PTPN4: variants seen among roughly 807,000 people sequenced by gnomAD.
PTPN4 encodes the protein protein tyrosine phosphatase non-receptor type 4.
In PTPN4, 49 loss-of-function variants were observed where a neutral mutation model predicts 135.5. The observed-to-expected ratio is 0.36, with a 90% confidence interval of 0.29 to 0.46. The LOEUF (loss-of-function observed/expected upper bound fraction) is 0.46. Among genes scored for constraint, PTPN4 ranks in the 20% least tolerant of loss-of-function variants. PTPN4 has a pLI of 1.00. For synonymous variants in PTPN4, 333 were observed against 369.9 expected (o/e 0.90, Z 1.14); for missense variants, 860 against 1,101.0 (o/e 0.78, Z 3.10).
In PTPN4 at chr2:119,827,429, TTG is replaced by T. The variant is rs201904398; in HGVS notation, c.138+17440_138+17441del. 1.1e-4 allele frequency among the ~76,000 whole-genome samples: 16 copies of T among 152,364 alleles called. No individual in the cohort carries two copies. The East Asian group carries it at 3.1e-3, about 29-fold the overall frequency. On this transcript the variant is annotated intron_variant, in intron 2 of 26. Coordinates refer to ENST00000263708, the MANE Select transcript of PTPN4 (RefSeq NM_002830.4). ...TACATGAGAGTCTCCACTGAGCTGT[TTG>T]TTTACTTGCTAATTTTCCTTGGTCA...
At chr2:119,848,320 C>T (rs1677538068) in intron 2 of PTPN4, among the ~76,000 whole-genome samples, 1 of 151,772 alleles carries the variant, frequency 6.6e-6, no homozygotes, top group African/African-American at 2.4e-5. Context: ...ACTACAGGCG[C>T]CCACCACCAT....
intron 2 of PTPN4, among the ~76,000 whole-genome samples, chr2:119,848,878 C>A (rs575948438): frequency 5.3e-5 from 8 of 152,142 alleles, no homozygotes. Context: ...GGATTACAGG[C>A]GTGAGCCACC....
chr2:119,934,963 G>A lies in PTPN4; in HGVS notation c.1355+5G>A, dbSNP rs1678960493. ...CATTGTTCTGGAATCATCACCGTAA[G>A]AGCTTTTTTATTTTGCTTCCTCTGT... On this transcript the variant is annotated splice_donor_5th_base_variant and intron_variant, in intron 15 of 26. Transcript: ENST00000263708. The A allele has an allele frequency of 6.2e-7, 1 of 1,600,660 alleles. No homozygotes were observed. The highest frequency in any genetic ancestry group is 1.1e-5 in the South Asian group (1 of 88,650).
At chr2:119,778,773 C>G (rs1344108066) in intron 1 of PTPN4, among the ~76,000 whole-genome samples, 2 of 152,022 alleles carry the variant, frequency 1.3e-5, no homozygotes, top group African/African-American at 4.8e-5. Context: ...ATTCTTTATT[C>G]TTATCAGGTC....
At chr2:119,822,459 A>G (rs1413888429) in intron 2 of PTPN4, among the ~76,000 whole-genome samples, 1 of 150,094 alleles carries the variant, frequency 6.7e-6, no homozygotes, top group Non-Finnish European at 1.5e-5. Context: ...TGCGGGTTCA[A>G]GTGATTCTCC....
At chr2:119,965,355 A>T in intron 24 of PTPN4, 142 bp from the exon 25 acceptor site, 1 of 762,984 alleles carries the variant, frequency 1.3e-6, no homozygotes, top group African/African-American at 1.8e-5. Flanking sequence ...CAGCTGACCT[A>T]GTGATCAATG....
At chr2:119,922,541 G>A (rs533386597) in intron 12 of PTPN4, among the ~76,000 whole-genome samples, 1 of 152,210 alleles carries the variant, frequency 6.6e-6, no homozygotes, top group South Asian at 2.1e-4. Context: ...ACCCCACTTA[G>A]CCATGATATC....
At chr2:119,884,236 G>A (rs1183360440) in intron 8 of PTPN4, among the ~76,000 whole-genome samples, 3 of 152,230 alleles carry the variant, frequency 2.0e-5, no homozygotes, top group Non-Finnish European at 4.4e-5. Flanking sequence ...GGCTAAGATT[G>A]TTATGTAGAT....
At chr2:119,866,982 C>T (rs1442412932) in intron 3 of PTPN4, among the ~76,000 whole-genome samples, 1 of 151,972 alleles carries the variant, frequency 6.6e-6, no homozygotes, top group African/African-American at 2.4e-5. Context: ...GAGGGAATGG[C>T]AAAGAGACCT....
intron 22 of PTPN4, among the ~76,000 whole-genome samples, chr2:119,958,815 C>T (rs957662791): frequency 3.3e-5 from 5 of 152,134 alleles, no homozygotes. Context: ...AGCACTATAA[C>T]TCATGCCTCA....
At position 119,960,828 on chromosome 2, in the gene PTPN4, A is replaced by G. The variant is rs1213243959; in HGVS notation, c.2155A>G (p.Ile719Val). 2 of 1,607,478 alleles carry G rather than the reference A, an allele frequency of 1.2e-6. No individual in the cohort carries two copies. Among genetic ancestry groups the G allele is most frequent in the African/African-American group, 2.7e-5 (2 of 74,572 alleles). ...TTAGATGGAAATTCCTTCTTCCAGC[A>G]TTATAAATCAGTACATTGCTTGTCA... is the stretch of plus-strand genomic sequence containing the variant. ...YINMEIPSSS[I>V]INQYIACQGP... Residue 719 changes from isoleucine to valine, a missense_variant, in exon 23 of 27, where the codon ATT becomes GTT. Coordinates refer to ENST00000263708, the MANE Select transcript of PTPN4 (RefSeq NM_002830.4).
intron 12 of PTPN4, among the ~76,000 whole-genome samples, chr2:119,923,514 T>C (rs1678767715): frequency 6.6e-6 from 1 of 152,028 alleles, no homozygotes; most frequent in Non-Finnish European, 1.5e-5. Context: ...GCCATTCAAG[T>C]CCAAAGTCAA....
Position 119,852,061 on chromosome 2 carries a change from A to C in PTPN4, c.139-10475A>C, listed in dbSNP as rs550377753. On this transcript the variant is annotated intron_variant, in intron 2 of 26. Transcript: ENST00000263708. The stretch of plus-strand genomic sequence containing the variant: ...CCAAGTTCTCAAATTTATGCTTAAT[A>C]GATTCCTTTCTCCTATTTTGTTACC... Among the ~76,000 whole-genome samples the C allele has an allele frequency of 5.3e-5, 8 of 152,362 alleles. No individual in the cohort carries two copies. The South Asian group carries it at 1.7e-3, about 32-fold the overall frequency.
chr2:119,765,015 C>G lies in PTPN4; in HGVS notation c.-18+4631C>G, dbSNP rs541161220. Among the ~76,000 whole-genome samples the G allele has an allele frequency of 7.2e-4, 109 of 152,138 alleles. 1 individual carries two copies. Among genetic ancestry groups the G allele is most frequent in the Non-Finnish European group, 8.8e-5 (6 of 68,006 alleles). ...GTGTGGAATCTAGCGTCAAAAACCT[C>G]GGGCAAACTGTCTGATTTCTGAGTC... On this transcript the variant is annotated intron_variant, in intron 1 of 26. Coordinates refer to ENST00000263708, the MANE Select transcript of PTPN4 (RefSeq NM_002830.4).
intron 1 of PTPN4, among the ~76,000 whole-genome samples, chr2:119,774,411 G>A (rs1451493437): frequency 6.6e-6 from 1 of 152,162 alleles, no homozygotes; most frequent in Non-Finnish European, 1.5e-5. Flanking sequence ...CTGTGAAGCT[G>A]TTGCTACAGC....
intron 3 of PTPN4, among the ~76,000 whole-genome samples, chr2:119,871,701 GAGAA>G (rs915007174): frequency 5.9e-5 from 9 of 152,112 alleles, no homozygotes; most frequent in South Asian, 4.2e-4. Flanking sequence ...GTATGTGTGT[GAGAA>G]AGAGAGAGAG....
chr2:119,979,108 A>G lies in PTPN4; in HGVS notation c.*2038A>G, dbSNP rs1043436236. 6.6e-6 allele frequency: 1 copy of G among 152,116 alleles called. No homozygotes were observed. Among genetic ancestry groups the G allele is most frequent in the Non-Finnish European group, 1.5e-5 (1 of 67,958 alleles). 9.4% of individuals were successfully genotyped at this position (152,116 alleles called of 1,614,324 possible). A position where few individuals can be genotyped will look rare whatever the true frequency, so the allele number is the denominator to read the frequency against. ...AGACAAATATAATTTAGGCTGCTAT[A>G]TGACATGATAAATTAAAAACTGAGA... On this transcript the variant is annotated 3_prime_UTR_variant, in exon 27 of 27. Coordinates refer to ENST00000263708, the MANE Select transcript of PTPN4 (RefSeq NM_002830.4).
intron 2 of PTPN4, among the ~76,000 whole-genome samples, chr2:119,826,317 G>C (rs942512013): frequency 1.3e-5 from 2 of 152,192 alleles, no homozygotes; most frequent in African/African-American, 4.8e-5. Context: ...CATGGAGTAG[G>C]ATTTTCTGTT....
At chr2:119,859,877 AT>A (rs1463969122) in intron 2 of PTPN4, among the ~76,000 whole-genome samples, 1 of 152,054 alleles carries the variant, frequency 6.6e-6, no homozygotes, top group Non-Finnish European at 1.5e-5. Context: ...TTTTTTTCCC[AT>A]TGAGTTTGGC....
Sources: gnomAD v4.1 joint callset for allele counts (sites outside exome capture counted in the v4.1 genomes callset) on GRCh38, gnomAD v4.1.1 for gene constraint, MANE v1.5 for transcripts, NCBI Gene and HGNC (gene_info 2026-07-23, HGNC 2026-07-21) for gene names.